SBSN: variants seen among roughly 807,000 people sequenced by gnomAD.
The protein encoded by SBSN is suprabasin.
In SBSN, 33 loss-of-function variants were observed where a neutral mutation model predicts 42.8. The ratio of observed to expected loss-of-function variants is 0.77; its 90% CI spans 0.58 to 1.03. The LOEUF is 1.03. Ranked by LOEUF, SBSN falls within the 50% of genes least tolerant of loss-of-function variation. The pLI, the probability that SBSN is intolerant of heterozygous loss-of-function variation, is 0.00. For missense variants in SBSN, 646 were observed against 757.3 expected (o/e 0.85, Z 1.72); for synonymous variants, 276 against 307.0 (o/e 0.90, Z 1.06).
chr19:35,527,930 C>T lies in SBSN; in HGVS notation c.352G>A (p.Gly118Arg). The part of the protein sequence containing the change: ...AGKEAEKLGH[G>R]VNNAAGQVGK... ...ACCTGTCCAGCAGCGTTGTTGACCC[C>T]ATGGCCAAGCTTCTCTGCTTCCTTT... Residue 118 changes from glycine to arginine, a missense_variant, in exon 1 of 4, where the codon GGG becomes AGG. Coordinates refer to ENST00000452271, the MANE Select transcript of SBSN (RefSeq NM_001166034.2). 6.2e-7 allele frequency: 1 copy of T among 1,614,178 alleles called. No homozygotes were observed. Among genetic ancestry groups the T allele is most frequent in the Non-Finnish European group, 8.5e-7 (1 of 1,180,034 alleles).
rs199772779 is a variant in SBSN at position 35,523,539 on chromosome 19, A to G, written c.1750-6T>C. 594 of 1,614,128 alleles carry G rather than the reference A, an allele frequency of 3.7e-4. 4 individuals are homozygous for G. In the African/African-American group the frequency reaches 7.5e-3, roughly 20 times the overall value. The stretch of plus-strand genomic sequence containing the variant: ...GGCATGATGTTGGCGACGCTCTGGA[A>G]GAGAGAAGGAGAGCAGGGGTGAATG... On this transcript the variant is annotated splice_region_variant and splice_polypyrimidine_tract_variant and intron_variant, in intron 3 of 3. Transcript: ENST00000452271.
rs778619266 is a variant in SBSN, at chr19:35,526,855, G to A, written c.1427C>T (p.Ala476Val). 210 of 1,612,884 alleles carry A rather than the reference G, an allele frequency of 1.3e-4. No homozygotes were observed. The highest frequency in any genetic ancestry group is 3.7e-4 in the Admixed American group (22 of 59,882). ...LEQAGKEADK[A>V]VQGFHTGVHQ... is the part of the protein sequence containing the mutation. Reference sequence around the variant, plus strand: ...GACCCCAGTGTGGAACCCTTGGACCGCTTTGTCTGCTTCCTTCCCGGCCTG... The same window carrying A: ...GACCCCAGTGTGGAACCCTTGGACCACTTTGTCTGCTTCCTTCCCGGCCTG... The change falls in exon 1 of 4, where the codon GCG becomes GTG. Residue 476 changes from alanine to valine, a missense_variant. By Grantham distance (64) the Ala-to-Val change is moderately conservative (BLOSUM62 0). Transcript: ENST00000452271.
intron 3 of SBSN, 91 bp from the exon 4 acceptor site, chr19:35,523,624 AG>A: frequency 7.7e-7 from 1 of 1,302,934 alleles, no homozygotes; most frequent in Non-Finnish European, 1.1e-6. Context: ...GAGAAGCACA[AG>A]GGGACTGGCT....
Position 35,527,969 on chromosome 19 carries a change from T to C in SBSN, c.313A>G (p.Ile105Val). The stretch of plus-strand genomic sequence containing the variant: ...TCTGCTTCCTTTCCTGCTTGTCCAA[T>C]ACCATGGTTGATCTCATGGGCAACC... ...DKVAHEINHG[I>V]GQAGKEAEKL... The change falls in exon 1 of 4, where the codon ATT becomes GTT. Residue 105 changes from isoleucine to valine, a missense_variant. Physicochemically the swap from Ile to Val is conservative, Grantham distance 29 (BLOSUM62 3). Around this residue, in one of 3 missense-constraint regions of SBSN, gnomAD observed 190 missense variants for 197.1 expected, o/e 0.96. Coordinates refer to ENST00000452271, the MANE Select transcript of SBSN (RefSeq NM_001166034.2). 6.2e-7 allele frequency: 1 copy of C among 1,614,058 alleles called. No individual in the cohort carries two copies. Among genetic ancestry groups the C allele is most frequent in the Non-Finnish European group, 8.5e-7 (1 of 1,180,040 alleles).
rs2071378522 is a variant in SBSN at position 35,526,828 on chromosome 19, T to C, written c.1454A>G (p.His485Arg). The C allele has an allele frequency of 1.2e-6, 2 of 1,613,490 alleles. No homozygotes were observed. The highest frequency in any genetic ancestry group is 2.2e-5 in the East Asian group (1 of 44,800). The change falls in exon 1 of 4, where the codon CAC becomes CGC. Residue 485 changes from histidine to arginine, a missense_variant. By Grantham distance (29) the His-to-Arg change is conservative. This residue lies in a region of SBSN where 236 missense variants were observed against 225.6 expected (regional missense o/e 1.05). Coordinates refer to ENST00000452271, the MANE Select transcript of SBSN (RefSeq NM_001166034.2). ...KAVQGFHTGV[H>R]QAGKEAEKLG... The stretch of plus-strand genomic sequence containing the variant: ...TTTCTCTGCTTCCTTCCCAGCCTGG[T>C]GGACCCCAGTGTGGAACCCTTGGAC...
chr19:35,523,387 C>T lies in SBSN; in HGVS notation c.*123G>A. 3 of 976,518 alleles carry T rather than the reference C, an allele frequency of 3.1e-6. No homozygotes were observed. The highest frequency in any genetic ancestry group is 1.8e-5 in the Admixed American group (1 of 54,280). The allele number at this position is 976,518 out of a possible 1,614,324, so 60.5% of individuals were successfully genotyped here. On this transcript the variant is annotated 3_prime_UTR_variant, in exon 4 of 4. Transcript: ENST00000452271. ...CAGCATAGTGTATCAAGTTTATTCACAAATCCCAGTACAACCCCCTTCAGG... is the reference window on the plus strand; with the variant it reads ...CAGCATAGTGTATCAAGTTTATTCATAAATCCCAGTACAACCCCCTTCAGG...
At chr19:35,526,174 C>T (rs1290096223) in intron 1 of SBSN, among the ~76,000 whole-genome samples, 1 of 152,190 alleles carries the variant, frequency 6.6e-6, no homozygotes, top group Non-Finnish European at 1.5e-5. Context: ...GCAGCCTCAT[C>T]TTGACCACAT....
chr19:35,526,494 A>T (rs1339177228), intron 1 of SBSN, 150 bp downstream of exon 1: 1 of 724,096 alleles, frequency 1.4e-6, no homozygotes, highest in Non-Finnish European at 2.2e-6. Flanking sequence ...GAGATGGGGA[A>T]GGGGGAGGAA....
In SBSN at chr19:35,526,861, T is replaced by G. The variant is rs2071379225; in HGVS notation, c.1421A>C (p.Asp474Ala). 2 of 1,613,714 alleles carry G rather than the reference T, an allele frequency of 1.2e-6. No homozygotes were observed. Among genetic ancestry groups the G allele is most frequent in the Non-Finnish European group, 1.7e-6 (2 of 1,179,940 alleles). ...AGTGTGGAACCCTTGGACCGCTTTG[T>G]CTGCTTCCTTCCCGGCCTGTTCAAG... ...HTLEQAGKEA[D>A]KAVQGFHTGV... is the part of the protein sequence containing the mutation. Residue 474 changes from aspartate to alanine, a missense_variant, in exon 1 of 4, where the codon GAC becomes GCC. Around this residue, in one of 3 missense-constraint regions of SBSN, gnomAD observed 236 missense variants for 225.6 expected, o/e 1.05. Coordinates refer to ENST00000452271, the MANE Select transcript of SBSN (RefSeq NM_001166034.2).
In SBSN at chr19:35,527,104, G is replaced by A. The variant is rs1263595141; in HGVS notation, c.1178C>T (p.Ala393Val). 6.5e-7 allele frequency: 1 copy of A among 1,537,358 alleles called. No homozygotes were observed. Among genetic ancestry groups the A allele is most frequent in the East Asian group, 2.4e-5 (1 of 40,902 alleles). The change falls in exon 1 of 4, where the codon GCT becomes GTT. Residue 393 changes from alanine to valine, a missense_variant. This residue lies in a region of SBSN where 220 missense variants were observed against 334.5 expected (regional missense o/e 0.66). Coordinates refer to ENST00000452271, the MANE Select transcript of SBSN (RefSeq NM_001166034.2). ...AEKFGQGVHH[A>V]ASQVGKEEDR... ...TTCCTCCTTCCCCACCTGCGAGGCAGCATGGTGGACACCCTGGCCAAACTT... is the reference window on the plus strand; with the variant it reads ...TTCCTCCTTCCCCACCTGCGAGGCAACATGGTGGACACCCTGGCCAAACTT...
chr19:35,527,216 G>T lies in SBSN; in HGVS notation c.1066C>A (p.His356Asn). 6.5e-7 allele frequency: 1 copy of T among 1,536,234 alleles called. No individual in the cohort carries two copies. The highest frequency in any genetic ancestry group is 8.7e-7 in the Non-Finnish European group (1 of 1,146,526). The part of the protein sequence containing the change: ...ETEKFGQGVH[H>N]AASQFGKETE... ...TCCTTCCCAAACTGACTGGCAGCAT[G>T]GTGGACCCCCTGGCCAAACTTCTCT... The change falls in exon 1 of 4, where the codon CAT (histidine) becomes AAT (asparagine). Residue 356 changes from histidine (H) to asparagine (N), a missense_variant. By Grantham distance (68) the His-to-Asn change is moderately conservative. This residue lies in a region of SBSN where 220 missense variants were observed against 334.5 expected (regional missense o/e 0.66). Transcript: ENST00000452271.
chr19:35,524,757 T>C lies in SBSN; in HGVS notation c.1705-2A>G. ...GATGAAAGGCGTGTTGACCGAGGCCTGCAATTCAAGGACAAGAAGGTCAGT... is the reference window on the plus strand; with the variant it reads ...GATGAAAGGCGTGTTGACCGAGGCCCGCAATTCAAGGACAAGAAGGTCAGT... On this transcript the variant is annotated splice_acceptor_variant, in intron 2 of 3. Transcript: ENST00000452271. LOFTEE classifies it high-confidence loss of function. The C allele has an allele frequency of 6.2e-7, 1 of 1,613,852 alleles. No individual in the cohort carries two copies. Among genetic ancestry groups the C allele is most frequent in the Non-Finnish European group, 8.5e-7 (1 of 1,179,914 alleles).
In SBSN at chr19:35,528,294, G is replaced by C; in HGVS notation, c.-13C>G. 1 of 1,592,186 alleles carries C rather than the reference G, an allele frequency of 6.3e-7. No homozygotes were observed. Among genetic ancestry groups the C allele is most frequent in the African/African-American group, 1.3e-5 (1 of 74,678 alleles). On this transcript the variant is annotated 5_prime_UTR_variant, in exon 1 of 4. Transcript: ENST00000452271. ...GTGCAAGATGCATATTGCTGGGAAG[G>C]TCGGGAAGGATGCAGAGAGGAGCCA...
chr19:35,527,877 A>G lies in SBSN; in HGVS notation c.405T>C (p.His135=), dbSNP rs575845512. The G allele has an allele frequency of 1.2e-6, 2 of 1,613,222 alleles. No individual in the cohort carries two copies. Among genetic ancestry groups the G allele is most frequent in the Non-Finnish European group, 1.7e-6 (2 of 1,179,866 alleles). ...QVGKEADKLI[H]HGVHHGANQA... ...GGTTGGCCCCGTGATGGACCCCATG[A>G]TGGATCAGTTTGTCTGCCTCCTTCC... The change falls in exon 1 of 4, where the codon CAT becomes CAC. Residue 135 remains histidine, a synonymous_variant. Coordinates refer to ENST00000452271, the MANE Select transcript of SBSN (RefSeq NM_001166034.2).
intron 1 of SBSN, among the ~76,000 whole-genome samples, chr19:35,525,362 G>A (rs1031051146): frequency 4.6e-5 from 7 of 151,878 alleles, no homozygotes; most frequent in South Asian, 4.2e-4. Context: ...CCCCAACCCC[G>A]GCTGCTGTTG....
At position 35,526,562 on chromosome 19, in the gene SBSN, C is replaced by T. The variant is rs377364517; in HGVS notation, c.1638+82G>A. The T allele has an allele frequency of 5.7e-6, 7 of 1,224,784 alleles. No homozygotes were observed. The South Asian group carries it at 5.9e-5, about 10-fold the overall frequency. 75.9% of individuals were successfully genotyped at this position (1,224,784 alleles called of 1,614,324 possible). A position where few individuals can be genotyped will look rare whatever the true frequency, so the allele number is the denominator to read the frequency against. On this transcript the variant is annotated intron_variant, in intron 1 of 3. Coordinates refer to ENST00000452271, the MANE Select transcript of SBSN (RefSeq NM_001166034.2). ...CAAACAAAGGCTACGCGGACCCCCCCGCCCCGCCAAATGTCCCAGGGGTTT... is the reference window on the plus strand; with the variant it reads ...CAAACAAAGGCTACGCGGACCCCCCTGCCCCGCCAAATGTCCCAGGGGTTT...
chr19:35,525,023 G>A, intron 1 of SBSN, 99 bp from the exon 2 acceptor site: 1 of 1,290,300 alleles, frequency 7.8e-7, no homozygotes, highest in Non-Finnish European at 1.1e-6. Flanking sequence ...GGTGACTGGG[G>A]CTGCGGTGGG....
At position 35,527,495 on chromosome 19, in the gene SBSN, C is replaced by A. The variant is rs2071392498; in HGVS notation, c.787G>T (p.Gly263Trp). Reference protein sequence around the residue: ...AGNEAGRFGQGVHHGLSEGWK... With the variant: ...AGNEAGRFGQWVHHGLSEGWK... ...CCCTCACTGAGACCATGGTGGACCC[C>A]CTGGCCAAATCTCCCTGCCTCATTT... The change falls in exon 1 of 4, where the codon GGG becomes TGG. Residue 263 changes from glycine (G) to tryptophan (W), a missense_variant. Gly to Trp is a radical substitution (Grantham distance 184, BLOSUM62 -2). Transcript: ENST00000452271. 1 of 1,548,556 alleles carries A rather than the reference C, an allele frequency of 6.5e-7. No individual in the cohort carries two copies. The highest frequency in any genetic ancestry group is 8.6e-7 in the Non-Finnish European group (1 of 1,156,754).
At position 35,523,394 on chromosome 19, in the gene SBSN, C is replaced by A; in HGVS notation, c.*116G>T. On this transcript the variant is annotated 3_prime_UTR_variant, in exon 4 of 4. Transcript: ENST00000452271. ...GTGTATCAAGTTTATTCACAAATCCCAGTACAACCCCCTTCAGGGATTTCA... is the reference window on the plus strand; with the variant it reads ...GTGTATCAAGTTTATTCACAAATCCAAGTACAACCCCCTTCAGGGATTTCA... The A allele has an allele frequency of 9.8e-7, 1 of 1,021,276 alleles. No homozygotes were observed. Among genetic ancestry groups the A allele is most frequent in the Admixed American group, 1.8e-5 (1 of 55,974 alleles). 63.3% of individuals were successfully genotyped at this position (1,021,276 alleles called of 1,614,324 possible).
Sources: allele counts gnomAD v4.1 joint callset (sites outside exome capture counted in the v4.1 genomes callset), GRCh38; gene constraint gnomAD v4.1.1; regional missense constraint gnomAD v4.1.1; transcripts MANE v1.5; gene names NCBI Gene and HGNC (gene_info 2026-07-23, HGNC 2026-07-21).